The following ZZEF1 variants were observed in gnomAD, a reference collection of about 807,000 sequenced individuals.
ZZEF1 encodes the protein zinc finger ZZ-type and EF-hand domain-containing protein 1.
Under a neutral mutation model 342.8 loss-of-function variants are expected in ZZEF1, and 157 were observed. The observed-to-expected ratio is 0.46, with a 90% confidence interval of 0.40 to 0.52. The LOEUF (loss-of-function observed/expected upper bound fraction) is 0.52, where lower values mean the gene tolerates loss of function less well. ZZEF1 is among the 20% of genes least tolerant of loss of function. The pLI is 0.00. For missense variants in ZZEF1, 3,480 were observed against 3,725.6 expected (o/e 0.93, Z 1.72); for synonymous variants, 1,505 against 1,429.1 (o/e 1.05, Z -1.20).
Position 4,022,701 on chromosome 17 carries a change from T to C in ZZEF1, c.7212+8A>G, listed in dbSNP as rs2056300457. Reference sequence around the variant, plus strand: ...GAAAGAGGAGCAGGAGTCCCTCTCGTCTCTTACTTCCAGGTCCCGGAGGAG... The same window carrying C: ...GAAAGAGGAGCAGGAGTCCCTCTCGCCTCTTACTTCCAGGTCCCGGAGGAG... On this transcript the variant is annotated splice_region_variant and intron_variant, in intron 44 of 54. Coordinates refer to ENST00000381638, the MANE Select transcript of ZZEF1 (RefSeq NM_015113.4). 5 of 1,613,568 alleles carry C rather than the reference T, an allele frequency of 3.1e-6. No individual in the cohort carries two copies. The highest frequency in any genetic ancestry group is 4.2e-6 in the Non-Finnish European group (5 of 1,179,928).
At chr17:4,117,660 A>AAAAAAG (rs1469418130) in intron 2 of ZZEF1, among the ~76,000 whole-genome samples, 11 of 151,936 alleles carry the variant, frequency 7.2e-5, no homozygotes, top group African/African-American at 2.7e-4. Flanking sequence ...AAAAAAAAAA[A>AAAAAAG]AAAAAAAAGA....
Position 4,117,074 on chromosome 17 carries a change from C to T in ZZEF1, c.592G>A (p.Ala198Thr), listed in dbSNP as rs754100888. ...RFLHRNRLSS[A>T]VMPYPMLEHC... ...TCCAGCATCGGGTAGGGCATCACCGCGCTGGAGAGCCGATTGCGGTGCAGG... is the reference window on the plus strand; with the variant it reads ...TCCAGCATCGGGTAGGGCATCACCGTGCTGGAGAGCCGATTGCGGTGCAGG... The change falls in exon 3 of 55, where the codon GCG (alanine) becomes ACG (threonine). Residue 198 changes from alanine (A) to threonine (T), a missense_variant. By Grantham distance (58) the Ala-to-Thr change is moderately conservative (BLOSUM62 0). Around this residue, in one of 5 missense-constraint regions of ZZEF1, gnomAD observed 416 missense variants for 374.2 expected, o/e 1.11. Transcript: ENST00000381638. 1.5e-5 allele frequency: 25 copies of T among 1,614,024 alleles called. No individual in the cohort carries two copies. The highest frequency in any genetic ancestry group is 1.0e-4 in the Admixed American group (6 of 60,004).
At position 4,017,316 on chromosome 17, in the gene ZZEF1, T is replaced by C. The variant is rs1169650593; in HGVS notation, c.8001+55A>G. The C allele has an allele frequency of 4.5e-6, 7 of 1,540,050 alleles. No individual in the cohort carries two copies. Among genetic ancestry groups the C allele is most frequent in the African/African-American group, 1.4e-5 (1 of 74,018 alleles). On this transcript the variant is annotated intron_variant, in intron 48 of 54. Coordinates refer to ENST00000381638, the MANE Select transcript of ZZEF1 (RefSeq NM_015113.4). The surrounding 1 kb of genome is among the most constrained non-coding windows in gnomAD (Gnocchi z 5.1). Reference sequence around the variant, plus strand: ...CAGGAAGCACTCACTGGAGGAAGCCTGTGGGGCAGAGGAAGAACCTGGTGG... The same window carrying C: ...CAGGAAGCACTCACTGGAGGAAGCCCGTGGGGCAGAGGAAGAACCTGGTGG...
chr17:4,125,820 G>T (rs1344646558), intron 1 of ZZEF1, among the ~76,000 whole-genome samples: 1 of 152,156 alleles, frequency 6.6e-6, no homozygotes, highest in Non-Finnish European at 1.5e-5. Flanking sequence ...ACACAGTCCT[G>T]ATGAGCTATA....
chr17:4,102,735 A>G (rs2058147892), intron 8 of ZZEF1, among the ~76,000 whole-genome samples: 1 of 152,190 alleles, frequency 6.6e-6, no homozygotes, highest in African/African-American at 2.4e-5. Context: ...GGTGATTCCT[A>G]AGATACTGTT....
chr17:4,040,420 A>T (rs1197157347), intron 39 of ZZEF1, among the ~76,000 whole-genome samples: 5 of 152,224 alleles, frequency 3.3e-5, no homozygotes, highest in Non-Finnish European at 5.9e-5. Flanking sequence ...ACTCCAAAGC[A>T]GCCAACCAAC....
chr17:4,009,823 C>T (rs1181138130), intron 52 of ZZEF1, 66 bp from the exon 53 acceptor site: 4 of 1,560,792 alleles, frequency 2.6e-6, no homozygotes, highest in Non-Finnish European at 2.6e-6. Flanking sequence ...TGGCTTACAG[C>T]TGGCAGGAAC....
intron 39 of ZZEF1, among the ~76,000 whole-genome samples, 192 bp from the exon 40 acceptor site, chr17:4,034,484 T>C (rs981910956): frequency 6.6e-6 from 1 of 152,176 alleles, no homozygotes; most frequent in Non-Finnish European, 1.5e-5. Flanking sequence ...ACAATCCTAC[T>C]TCTAATATTT....
chr17:4,005,876 C>A lies in ZZEF1; in HGVS notation c.*1014G>T, dbSNP rs2055789759. The A allele has an allele frequency of 6.6e-6, 1 of 152,238 alleles. No individual in the cohort carries two copies. The highest frequency in any genetic ancestry group is 2.4e-5 in the African/African-American group (1 of 41,440). The allele number at this position is 152,238 out of a possible 1,614,324, so 9.4% of individuals were successfully genotyped here. Reference sequence around the variant, plus strand: ...GGAGGGAGAATCATCATCGGCACTCCAGGGCAAGACTAAACCCATCAAAAG... The same window carrying A: ...GGAGGGAGAATCATCATCGGCACTCAAGGGCAAGACTAAACCCATCAAAAG... On this transcript the variant is annotated 3_prime_UTR_variant, in exon 55 of 55. Transcript: ENST00000381638.
At chr17:4,135,663 A>G (rs1183011977) in intron 1 of ZZEF1, among the ~76,000 whole-genome samples, 1 of 152,168 alleles carries the variant, frequency 6.6e-6, no homozygotes, top group African/African-American at 2.4e-5. Flanking sequence ...CCCTGGGGCC[A>G]TTCAGAACAC....
At chr17:4,012,357 C>G (rs774160770) in intron 52 of ZZEF1, among the ~76,000 whole-genome samples, 3 of 152,222 alleles carry the variant, frequency 2.0e-5, no homozygotes, top group Non-Finnish European at 2.9e-5. Context: ...CTTGTTCTCT[C>G]CCCTGACTTT....
chr17:4,016,442 A>G lies in ZZEF1; in HGVS notation c.8026T>C (p.Cys2676Arg), dbSNP rs2056103459. The G allele has an allele frequency of 1.2e-6, 2 of 1,612,288 alleles. No individual in the cohort carries two copies. Among genetic ancestry groups the G allele is most frequent in the Non-Finnish European group, 1.7e-6 (2 of 1,179,614 alleles). ...ATGGTCCCCAGCATGTCCTCTCGGC[A>G]GCCCTGGAGCACTTTCTGCAGGATC... ...EKILQKVLQG[C>R]REDMLGTMAL... The change falls in exon 49 of 55, where the codon TGC (cysteine) becomes CGC (arginine). Residue 2676 changes from cysteine to arginine, a missense_variant. By Grantham distance (180) the Cys-to-Arg change is radical. Transcript: ENST00000381638. The surrounding 1 kb of genome is among the most constrained non-coding windows in gnomAD (Gnocchi z 4.4).
intron 44 of ZZEF1, among the ~76,000 whole-genome samples, chr17:4,022,197 A>G (rs953525416): frequency 2.0e-5 from 3 of 152,026 alleles, no homozygotes; most frequent in African/African-American, 7.2e-5. Flanking sequence ...ATGGCCGCTC[A>G]CTCCCTCCTA....
chr17:4,082,626 G>T, intron 16 of ZZEF1, 122 bp from the exon 17 acceptor site: 3 of 890,724 alleles, frequency 3.4e-6, no homozygotes, highest in South Asian at 1.5e-5. Flanking sequence ...CAGGCCAGCA[G>T]ACTACCTCAC....
Position 4,069,787 on chromosome 17 carries a change from C to T in ZZEF1, c.4075+897G>A, listed in dbSNP as rs569290447. Among the ~76,000 whole-genome samples the T allele has an allele frequency of 9.3e-4, 141 of 152,218 alleles. 1 individual carries two copies. The highest frequency in any genetic ancestry group is 3.0e-3 in the African/African-American group (123 of 41,532). On this transcript the variant is annotated intron_variant, in intron 26 of 54. Transcript: ENST00000381638. ...TGGAGGTTGTGGTGAGTCAAGATCGCGCCACTGCACTCCAGGCTGGGTGAC... is the reference window on the plus strand; with the variant it reads ...TGGAGGTTGTGGTGAGTCAAGATCGTGCCACTGCACTCCAGGCTGGGTGAC...
Position 4,056,216 on chromosome 17 carries a change from T to C in ZZEF1, c.5295A>G (p.Lys1765=). The C allele has an allele frequency of 6.3e-7, 1 of 1,583,462 alleles. No individual in the cohort carries two copies. The highest frequency in any genetic ancestry group is 1.8e-5 in the Admixed American group (1 of 55,922). ...GAGTACTCTAGTTGAGAGGTCTTACTTTCCTCTGCTTCTCTGGATCTTCCT... is the reference window on the plus strand; with the variant it reads ...GAGTACTCTAGTTGAGAGGTCTTACCTTCCTCTGCTTCTCTGGATCTTCCT... ...IAQEDPEKQR[K]MHMFIARYCD... is the part of the protein sequence containing the mutation. The change falls in exon 33 of 55, where the codon AAA becomes AAG. Residue 1765 remains lysine (K), a splice_region_variant and synonymous_variant. Coordinates refer to ENST00000381638, the MANE Select transcript of ZZEF1 (RefSeq NM_015113.4).
intron 37 of ZZEF1, among the ~76,000 whole-genome samples, chr17:4,047,877 G>C (rs2056958365): frequency 6.7e-6 from 1 of 149,664 alleles, no homozygotes; most frequent in South Asian, 2.1e-4. Flanking sequence ...GGAGGTGGAG[G>C]TTGCAGTGAG....
chr17:4,010,170 AAAACAAAC>A (rs964701788), intron 52 of ZZEF1, among the ~76,000 whole-genome samples: 1 of 151,442 alleles, frequency 6.6e-6, no homozygotes, highest in Non-Finnish European at 1.5e-5. Flanking sequence ...CAAAAAATTA[AAAACAAAC>A]AAACAAACAA....
At chr17:4,010,483 G>A (rs1278603622) in intron 52 of ZZEF1, among the ~76,000 whole-genome samples, 1 of 152,028 alleles carries the variant, frequency 6.6e-6, no homozygotes, top group African/African-American at 2.4e-5. Flanking sequence ...CACCTTGGGA[G>A]GCCAAGGCAG....
Sources: gnomAD v4.1 joint callset for allele counts (sites outside exome capture counted in the v4.1 genomes callset) on GRCh38, gnomAD v4.1.1 for gene constraint, gnomAD v4.1.1 regional missense constraint, Gnocchi (gnomAD v3.1) non-coding constraint, MANE v1.5 for transcripts, NCBI Gene and HGNC (gene_info 2026-07-23, HGNC 2026-07-21) for gene names.